The following DENND1A variants were observed in gnomAD, a reference collection of about 807,000 sequenced individuals.
DENND1A encodes DENN domain-containing protein 1A.
Under a neutral mutation model 113.7 loss-of-function variants are expected in DENND1A, and 51 were observed. The observed-to-expected ratio is 0.45, with a 90% CI of 0.36 to 0.57. DENND1A has a LOEUF of 0.57. Ranked by LOEUF, DENND1A falls within the 20% of genes least tolerant of loss-of-function variation. The probability of loss-of-function intolerance (pLI) is 0.00; values close to 1 mark genes in which losing one functional copy is unlikely to be tolerated. For missense variants in DENND1A, 1,258 were observed against 1,395.9 expected, an observed-to-expected ratio of 0.90 and a Z score of 1.57; for synonymous variants, 565 against 570.8, an observed-to-expected ratio of 0.99 and a Z score of 0.14.
chr9:123,686,795 C>A (rs912034198), intron 5 of DENND1A, among the ~76,000 whole-genome samples: 1 of 152,026 alleles, frequency 6.6e-6, no homozygotes, highest in African/African-American at 2.4e-5. Context: ...GACTGTGTTG[C>A]CTTTTTTAAT....
chr9:123,417,460 G>GACAGGAA (rs2044829125), intron 19 of DENND1A, among the ~76,000 whole-genome samples: 2 of 152,350 alleles, frequency 1.3e-5, no homozygotes, highest in South Asian at 4.1e-4. Flanking sequence ...CTGTTACAGA[G>GACAGGAA]ACAGGAAACA....
chr9:123,496,206 G>A (rs755573610), intron 13 of DENND1A, among the ~76,000 whole-genome samples: 35 of 152,224 alleles, frequency 2.3e-4, no homozygotes, highest in Non-Finnish European at 4.7e-4. Flanking sequence ...GTAAATGCTC[G>A]GTGTAATGTT....
At chr9:123,690,447 T>C (rs964428054) in intron 5 of DENND1A, among the ~76,000 whole-genome samples, 31 of 152,328 alleles carry the variant, frequency 2.0e-4, no homozygotes, top group East Asian at 1.7e-3. Context: ...GATTACAATA[T>C]ATTATGAACT....
At chr9:123,653,870 A>C (rs1564891341) in intron 8 of DENND1A, among the ~76,000 whole-genome samples, 1 of 151,564 alleles carries the variant, frequency 6.6e-6, no homozygotes, top group Non-Finnish European at 1.5e-5. Context: ...TGAGACAGGC[A>C]TTATCATCTC....
intron 1 of DENND1A, among the ~76,000 whole-genome samples, chr9:123,927,371 A>G (rs1857295529): frequency 6.6e-6 from 1 of 152,206 alleles, no homozygotes; most frequent in Non-Finnish European, 1.5e-5. Flanking sequence ...TTCCTTGGTC[A>G]TTAAAATTTT....
At chr9:123,736,315 C>T (rs1354335396) in intron 5 of DENND1A, 2 of 152,138 alleles carry the variant, frequency 1.3e-5, no homozygotes, top group Middle Eastern at 3.2e-3. Context: ...GTCCAACAGG[C>T]TCCGGGCGGA....
At chr9:123,621,616 A>C (rs2138250642) in intron 10 of DENND1A, among the ~76,000 whole-genome samples, 1 of 152,328 alleles carries the variant, frequency 6.6e-6, no homozygotes, top group Non-Finnish European at 1.5e-5. Flanking sequence ...AGTAATCACT[A>C]TTCACCTCCA....
Position 123,383,786 on chromosome 9 carries a change from C to G in DENND1A, c.1888G>C (p.Asp630His). The G allele has an allele frequency of 6.2e-7, 1 of 1,614,104 alleles. No homozygotes were observed. Among genetic ancestry groups the G allele is most frequent in the South Asian group, 1.1e-5 (1 of 91,080 alleles). ...TTGCTGAAGACGTCTTCCAGAAGGT[C>G]GATGCTGGCAGCCCGGTCAGGGGGA... The part of the protein sequence containing the change: ...PAPPDRAASI[D>H]LLEDVFSNLD... The change falls in exon 23 of 24, where the codon GAC becomes CAC. Residue 630 changes from aspartate (D) to histidine (H), a missense_variant. Asp to His is a moderately conservative substitution (Grantham distance 81). Coordinates refer to ENST00000394215, the MANE Select transcript of DENND1A (RefSeq NM_001352964.2).
intron 15 of DENND1A, 25 bp downstream of exon 15, chr9:123,457,323 G>A (rs745662348): frequency 1.1e-5 from 18 of 1,587,724 alleles, no homozygotes; most frequent in Middle Eastern, 1.7e-4. Flanking sequence ...CTGCAGCCCC[G>A]GAAGGAAAAT....
chr9:123,877,225 G>A (rs1194389733), intron 2 of DENND1A, among the ~76,000 whole-genome samples: 11 of 152,186 alleles, frequency 7.2e-5, no homozygotes, highest in South Asian at 6.2e-4. Flanking sequence ...GGTGGCTCAC[G>A]CCTGTAAGTA....
At chr9:123,515,272 C>T (rs993031814) in intron 13 of DENND1A, among the ~76,000 whole-genome samples, 7 of 152,102 alleles carry the variant, frequency 4.6e-5, no homozygotes, top group Admixed American at 6.5e-5. Context: ...AAAGTAACTG[C>T]GATTTTTGCT....
At chr9:123,590,146 C>A (rs974266397) in intron 11 of DENND1A, among the ~76,000 whole-genome samples, 4 of 152,204 alleles carry the variant, frequency 2.6e-5, no homozygotes, top group African/African-American at 9.6e-5. Flanking sequence ...CCATGCCTGG[C>A]TAGAGAGACT....
At chr9:123,588,630 A>G (rs1051972826) in intron 11 of DENND1A, among the ~76,000 whole-genome samples, 1 of 122,122 alleles carries the variant, frequency 8.2e-6, no homozygotes, top group African/African-American at 3.1e-5. Flanking sequence ...CAAAAAAAAA[A>G]AAAGGGGGGG....
chr9:123,906,466 C>A, intron 1 of DENND1A, among the ~76,000 whole-genome samples: 1 of 81,218 alleles, frequency 1.2e-5, no homozygotes, highest in Admixed American at 1.2e-4. Context: ...GCTAGCAAGA[C>A]TAATAAAGAA....
rs148068705 is a variant in DENND1A, at chr9:123,482,433, G to A, written c.994-24536C>T. Among the ~76,000 whole-genome samples the A allele has an allele frequency of 3.9e-5, 6 of 152,292 alleles. No homozygotes were observed. In the East Asian group the frequency reaches 1.2e-3, roughly 29 times the overall value. The stretch of plus-strand genomic sequence containing the variant: ...ATTTTTTAACACAAACACACACATG[G>A]TCAAATCAAATACCTCTTGCCTATC... On this transcript the variant is annotated intron_variant, in intron 13 of 23. Transcript: ENST00000394215.
chr9:123,456,628 T>C (rs1408776555), intron 15 of DENND1A, among the ~76,000 whole-genome samples: 1 of 152,146 alleles, frequency 6.6e-6, no homozygotes, highest in Non-Finnish European at 1.5e-5. Flanking sequence ...CTGACCAACA[T>C]GGCGAAACCC....
At chr9:123,741,531 C>T (rs749115531) in intron 5 of DENND1A, among the ~76,000 whole-genome samples, 14 of 152,200 alleles carry the variant, frequency 9.2e-5, no homozygotes, top group African/African-American at 1.7e-4. Context: ...ATATTAATTT[C>T]TAACTCAGTT....
intron 13 of DENND1A, among the ~76,000 whole-genome samples, chr9:123,498,614 GGAA>G: frequency 6.6e-6 from 1 of 152,180 alleles, no homozygotes; most frequent in East Asian, 1.9e-4. Flanking sequence ...CTGGGAGCTT[GGAA>G]GAAGGGGCAC....
chr9:123,832,267 A>C (rs764552316), intron 2 of DENND1A, among the ~76,000 whole-genome samples: 7 of 152,242 alleles, frequency 4.6e-5, no homozygotes, highest in Non-Finnish European at 8.8e-5. Flanking sequence ...CAGCAGGTAC[A>C]TTAAAAGATG....
Sources: gnomAD v4.1 joint callset for allele counts (sites outside exome capture counted in the v4.1 genomes callset) on GRCh38, gnomAD v4.1.1 for gene constraint, MANE v1.5 for transcripts, NCBI Gene and HGNC (gene_info 2026-07-23, HGNC 2026-07-21) for gene names.